The following CEP85L variants were observed in gnomAD, a reference collection of about 807,000 sequenced individuals.
The protein encoded by CEP85L is centrosomal protein 85L, also known as centrosomal protein of 85 kDa-like.
Under a neutral mutation model 100.3 loss-of-function variants are expected in CEP85L, and 60 were observed. The observed-to-expected ratio is 0.60, with a 90% confidence interval of 0.49 to 0.74. The LOEUF (loss-of-function observed/expected upper bound fraction) is 0.74. Among genes scored for constraint, CEP85L ranks in the 30% least tolerant of loss-of-function variants. CEP85L has a pLI of 0.00. For synonymous variants in CEP85L, 319 were observed against 322.7 expected, an observed-to-expected ratio of 0.99 and a Z score of 0.12; for missense variants, 973 against 936.2, an observed-to-expected ratio of 1.04 and a Z score of -0.51.
At chr6:118,687,531 T>A (rs970681608) in intron 1 of CEP85L, among the ~76,000 whole-genome samples, 1 of 152,114 alleles carries the variant, frequency 6.6e-6, no homozygotes, top group African/African-American at 2.4e-5. Flanking sequence ...AAATGCTAAT[T>A]AGGCAACAAC....
At chr6:118,690,774 G>T (rs1241684100) in intron 1 of CEP85L, among the ~76,000 whole-genome samples, 1 of 152,176 alleles carries the variant, frequency 6.6e-6, no homozygotes, top group Non-Finnish European at 1.5e-5. Flanking sequence ...AGAGGCAAGA[G>T]GATCGCTTGA....
chr6:118,592,639 T>TC (rs2115129243), intron 2 of CEP85L, among the ~76,000 whole-genome samples: 1 of 152,242 alleles, frequency 6.6e-6, no homozygotes, highest in South Asian at 2.1e-4. Context: ...GGTTGAAATA[T>TC]CACCTACCTT....
chr6:118,466,947 C>T (rs1442820681), intron 12 of CEP85L, among the ~76,000 whole-genome samples: 1 of 152,088 alleles, frequency 6.6e-6, no homozygotes, highest in Admixed American at 6.6e-5. Context: ...GAACTGATAG[C>T]ACTCAATCAT....
At chr6:118,690,257 C>A (rs762896273) in intron 1 of CEP85L, among the ~76,000 whole-genome samples, 2 of 152,174 alleles carry the variant, frequency 1.3e-5, no homozygotes, top group Non-Finnish European at 2.9e-5. Flanking sequence ...TCTTCTGTGT[C>A]TGACTTGTAG....
intron 1 of CEP85L, among the ~76,000 whole-genome samples, chr6:118,648,419 T>TA (rs1011153512): frequency 2.6e-5 from 4 of 151,532 alleles, no homozygotes; most frequent in African/African-American, 4.8e-5. Flanking sequence ...GCCATTTCTT[T>TA]AAAAAAAAAT....
rs184100653 is a variant in CEP85L at position 118,687,298 on chromosome 6, T to G, written c.-28+22738A>C. 3.3e-3 allele frequency among the ~76,000 whole-genome samples: 508 copies of G among 152,258 alleles called. 1 individual carries two copies. The highest frequency in any genetic ancestry group is 0.012 in the African/African-American group (489 of 41,558). On this transcript the variant is annotated intron_variant, in intron 1 of 13. Coordinates refer to the CEP85L transcript ENST00000368488. ...TGGAGTGCAATGGCGTGATCTCAGC[T>G]CACTGCAACCTCCGCCTCCCAGGTT...
intron 3 of CEP85L, among the ~76,000 whole-genome samples, chr6:118,552,680 C>A (rs138168884): frequency 1.1e-3 from 167 of 150,718 alleles, no homozygotes; most frequent in African/African-American, 3.9e-3. Flanking sequence ...TAATTTCCAG[C>A]GTTACTTTTC....
intron 1 of CEP85L, among the ~76,000 whole-genome samples, chr6:118,695,981 T>C (rs1397991371): frequency 1.3e-5 from 2 of 152,062 alleles, no homozygotes. Flanking sequence ...CAGACACAAA[T>C]GTTAGGAGGC....
chr6:118,707,284 A>C (rs1402146365), intron 1 of CEP85L, among the ~76,000 whole-genome samples: 1 of 147,116 alleles, frequency 6.8e-6, no homozygotes, highest in African/African-American at 2.5e-5. Context: ...TCAACTTCCC[A>C]GGCTCAGATG....
chr6:118,491,905 T>C (rs1300580074), intron 5 of CEP85L, 40 bp from the exon 6 acceptor site: 2 of 1,496,748 alleles, frequency 1.3e-6, no homozygotes, highest in South Asian at 1.3e-5. Flanking sequence ...CTTTAAAAGT[T>C]TGTCTTGAAC....
At chr6:118,502,434 G>T in intron 5 of CEP85L, 2 of 528,908 alleles carry the variant, frequency 3.8e-6, no homozygotes, top group Non-Finnish European at 3.7e-6. Flanking sequence ...ATAAGAGTTG[G>T]AGATATCACC....
intron 5 of CEP85L, among the ~76,000 whole-genome samples, chr6:118,503,374 T>C (rs890388813): frequency 2.6e-5 from 4 of 152,160 alleles, no homozygotes; most frequent in African/African-American, 7.2e-5. Flanking sequence ...TCCAATTTGA[T>C]CTATAGATTC....
chr6:118,651,781 C>A (rs1249561086), upstream of CEP85L: 2 of 986,060 alleles, frequency 2.0e-6, no homozygotes, highest in African/African-American at 3.5e-5. Flanking sequence ...CCCGCCCTCC[C>A]GCCGCATCCC....
chr6:118,637,554 A>T (rs1177657894), intron 1 of CEP85L, among the ~76,000 whole-genome samples: 1 of 138,554 alleles, frequency 7.2e-6, no homozygotes, highest in African/African-American at 2.7e-5. Flanking sequence ...AAAAAAAAAA[A>T]TTCAAAAAAA....
Position 118,613,136 on chromosome 6 carries a change from G to A in CEP85L, c.232+19317C>T, listed in dbSNP as rs142663649. Among the ~76,000 whole-genome samples, 1,177 of 151,924 alleles carry A rather than the reference G, an allele frequency of 7.7e-3. 15 individuals carry two copies. The highest frequency in any genetic ancestry group is 0.045 in the Middle Eastern group (13 of 292). On this transcript the variant is annotated intron_variant, in intron 2 of 12. Coordinates refer to ENST00000368491, the MANE Select transcript of CEP85L (RefSeq NM_001042475.3). ...CTGAGGCAAGAGAATCGCTTAACCCGGCGGGCAGAGGTTGCAGTGAGCCGA... is the reference window on the plus strand; with the variant it reads ...CTGAGGCAAGAGAATCGCTTAACCCAGCGGGCAGAGGTTGCAGTGAGCCGA...
Position 118,600,300 on chromosome 6 carries a change from GGTGTGTGTGTGTGTGTGT to G in CEP85L, c.232+32135_232+32152del, listed in dbSNP as rs59278037. On this transcript the variant is annotated intron_variant, in intron 2 of 12. Transcript: ENST00000368491. The stretch of plus-strand genomic sequence containing the variant: ...CTGCCTGTCCCTGAGCCTTCCTGGG[GGTGTGTGTGTGTGTGTGT>G]GTGTGTGTGTGTGTGTGTGTGTGTG... Among the ~76,000 whole-genome samples, 56 of 52,244 alleles carry G rather than the reference GGTGTGTGTGTGTGTGTGT, an allele frequency of 1.1e-3. 9 individuals are homozygous for G. The highest frequency in any genetic ancestry group is 1.8e-3 in the East Asian group (3 of 1,682). The allele number at this position is 52,244 out of a possible 152,430, so 34.3% of individuals were successfully genotyped here.
intron 3 of CEP85L, among the ~76,000 whole-genome samples, chr6:118,538,232 A>G (rs1777712325): frequency 1.3e-5 from 2 of 152,032 alleles, no homozygotes; most frequent in Admixed American, 1.3e-4. Context: ...TTTATATTAT[A>G]GAAGAAACTG....
intron 2 of CEP85L, among the ~76,000 whole-genome samples, chr6:118,580,289 A>G (rs1425331172): frequency 6.6e-6 from 1 of 152,172 alleles, no homozygotes. Flanking sequence ...GGCGTGAGAA[A>G]AGGACCCTGG....
At chr6:118,688,664 T>A (rs1026910991) in intron 1 of CEP85L, among the ~76,000 whole-genome samples, 8 of 152,226 alleles carry the variant, frequency 5.3e-5, no homozygotes, top group Admixed American at 5.2e-4. Flanking sequence ...TACTGACAAA[T>A]CATGGGCCAG....
Sources: gnomAD v4.1 joint callset for allele counts (sites outside exome capture counted in the v4.1 genomes callset) on GRCh38, gnomAD v4.1.1 for gene constraint, MANE v1.5 for transcripts, NCBI Gene and HGNC (gene_info 2026-07-23, HGNC 2026-07-21) for gene names.